The following TRPM6 variants were observed in gnomAD, a reference collection of about 807,000 sequenced individuals.
TRPM6 encodes the protein channel kinase 2.
Under a neutral mutation model 247.6 loss-of-function variants are expected in TRPM6, and 111 were observed. The observed-to-expected ratio is 0.45, with a 90% confidence interval of 0.38 to 0.52. The LOEUF is 0.52. Ranked by LOEUF, TRPM6 falls within the 20% of genes least tolerant of loss-of-function variation. The pLI, the probability that TRPM6 is intolerant of heterozygous loss-of-function variation, is 0.00. For synonymous variants in TRPM6, 892 were observed against 853.8 expected, an observed-to-expected ratio of 1.04 and a Z score of -0.78; for missense variants, 2,126 against 2,421.5, an observed-to-expected ratio of 0.88 and a Z score of 2.56.
intron 19 of TRPM6, among the ~76,000 whole-genome samples, chr9:74,789,723 G>A (rs924899286): frequency 6.6e-6 from 1 of 152,118 alleles, no homozygotes; most frequent in African/African-American, 2.4e-5. Flanking sequence ...CCTTTGGGAG[G>A]CCAAGGCGGG....
intron 1 of TRPM6, among the ~76,000 whole-genome samples, chr9:74,877,053 C>T (rs2118499786): frequency 6.6e-6 from 1 of 152,208 alleles, no homozygotes; most frequent in East Asian, 1.9e-4. Context: ...GCTAGGATGG[C>T]TATAATCAAA....
intron 18 of TRPM6, among the ~76,000 whole-genome samples, chr9:74,795,806 G>A (rs1564018345): frequency 6.6e-6 from 1 of 152,230 alleles, no homozygotes. Flanking sequence ...TATTCTGCCT[G>A]TAGAAATTTC....
At chr9:74,881,372 T>A (rs192547011) in intron 1 of TRPM6, among the ~76,000 whole-genome samples, 1 of 151,686 alleles carries the variant, frequency 6.6e-6, no homozygotes, top group Non-Finnish European at 1.5e-5. Context: ...TATAAGGCAA[T>A]CAATTCAGCA....
chr9:74,812,167 T>A, intron 12 of TRPM6, 132 bp downstream of exon 12: 1 of 1,180,322 alleles, frequency 8.5e-7, no homozygotes, highest in Admixed American at 1.9e-5. Flanking sequence ...TAGATCCAGC[T>A]TCAGATAATA....
intron 8 of TRPM6, among the ~76,000 whole-genome samples, 197 bp from the exon 9 acceptor site, chr9:74,820,624 G>A (rs1189386198): frequency 4.6e-5 from 7 of 152,154 alleles, no homozygotes; most frequent in East Asian, 3.8e-4. Context: ...GAATGGAGCC[G>A]GGCATGATGG....
chr9:74,812,153 G>T, intron 12 of TRPM6, 146 bp downstream of exon 12: 2 of 1,015,886 alleles, frequency 2.0e-6, no homozygotes, highest in Non-Finnish European at 3.0e-6. Context: ...AAGAAGCCTG[G>T]AACTAGATCC....
intron 25 of TRPM6, among the ~76,000 whole-genome samples, chr9:74,768,233 G>A (rs1187310418): frequency 6.6e-6 from 1 of 152,094 alleles, no homozygotes; most frequent in Non-Finnish European, 1.5e-5. Flanking sequence ...TTCTCCATGA[G>A]TTTCTCTTTG....
chr9:74,789,064 G>A lies in TRPM6; in HGVS notation c.2539-322C>T, dbSNP rs569059313. On this transcript the variant is annotated intron_variant, in intron 19 of 38. Transcript: ENST00000360774. ...AGGGGCACTGGCAAGCTAACAGCAA[G>A]CCCAGGAGGAATCACAGGTCTTCCC... is the stretch of plus-strand genomic sequence containing the variant. Among the ~76,000 whole-genome samples the A allele has an allele frequency of 8.5e-5, 13 of 152,292 alleles. No individual in the cohort carries two copies. In the South Asian group the frequency reaches 2.1e-3, roughly 24 times the overall value.
At chr9:74,862,188 G>A (rs140111822) in intron 1 of TRPM6, among the ~76,000 whole-genome samples, 1 of 149,812 alleles carries the variant, frequency 6.7e-6, no homozygotes, top group Non-Finnish European at 1.5e-5. Flanking sequence ...TGCCAACCTC[G>A]TAATAGTTCC....
chr9:74,739,521 G>C, intron 34 of TRPM6, 72 bp from the exon 35 acceptor site: 1 of 1,543,332 alleles, frequency 6.5e-7, no homozygotes, highest in Non-Finnish European at 9.0e-7. Flanking sequence ...ATTACTATAG[G>C]CTACCCCAAT....
chr9:74,774,186 T>G (rs1193240438), intron 24 of TRPM6, among the ~76,000 whole-genome samples: 1 of 152,238 alleles, frequency 6.6e-6, no homozygotes, highest in Non-Finnish European at 1.5e-5. Context: ...GAATTCATTT[T>G]AAACTTTACT....
intron 11 of TRPM6, among the ~76,000 whole-genome samples, chr9:74,815,068 G>A (rs1281566506): frequency 6.6e-6 from 1 of 152,150 alleles, no homozygotes; most frequent in East Asian, 1.9e-4. Flanking sequence ...TAGAGGAGCA[G>A]TCCATAAGGT....
chr9:74,742,505 T>C, intron 33 of TRPM6, 56 bp downstream of exon 33: 1 of 1,536,944 alleles, frequency 6.5e-7, no homozygotes, highest in Admixed American at 1.7e-5. Flanking sequence ...TTTGATTCAC[T>C]CAGATTTTAT....
At chr9:74,746,142 G>A (rs1014992949) in intron 31 of TRPM6, among the ~76,000 whole-genome samples, 6 of 151,980 alleles carry the variant, frequency 3.9e-5, no homozygotes, top group African/African-American at 1.4e-4. Context: ...GGGAGGCTGA[G>A]GCAGGAGAAT....
At chr9:74,794,754 G>C (rs903324226) in intron 18 of TRPM6, among the ~76,000 whole-genome samples, 1 of 152,046 alleles carries the variant, frequency 6.6e-6, no homozygotes, top group Non-Finnish European at 1.5e-5. Flanking sequence ...CAATTGCTAT[G>C]ATGAAGACAA....
At chr9:74,800,067 G>C (rs940651555) in intron 17 of TRPM6, 187 bp downstream of exon 17, 3 of 634,400 alleles carry the variant, frequency 4.7e-6, no homozygotes, top group African/African-American at 3.7e-5. Flanking sequence ...ATCCCCGATA[G>C]AGGAAGACCA....
intron 3 of TRPM6, among the ~76,000 whole-genome samples, chr9:74,853,021 G>GC (rs1286235613): frequency 6.6e-6 from 1 of 151,814 alleles, no homozygotes; most frequent in East Asian, 1.9e-4. Flanking sequence ...TCTCTGCCCG[G>GC]CCCCCCGTCG....
rs1254093719 is a variant in TRPM6, at chr9:74,858,671, G to A, written c.111C>T (p.His37=). Residue 37 remains histidine, a splice_region_variant and synonymous_variant, in exon 2 of 39, where the codon CAC becomes CAT. Coordinates refer to ENST00000360774, the MANE Select transcript of TRPM6 (RefSeq NM_017662.5). ...STIIPSSKNP[H]RCTPVCQVCQ... Reference sequence around the variant, plus strand: ...AAGAAGGTAATTGAAAATTTTACCTGTGAGGATTTTTTGAGCTGGGTATGA... The same window carrying A: ...AAGAAGGTAATTGAAAATTTTACCTATGAGGATTTTTTGAGCTGGGTATGA... 2 of 1,610,894 alleles carry A rather than the reference G, an allele frequency of 1.2e-6. No homozygotes were observed. Among genetic ancestry groups the A allele is most frequent in the Admixed American group, 1.7e-5 (1 of 59,920 alleles).
chr9:74,730,571 C>T (rs901215772), intron 37 of TRPM6, among the ~76,000 whole-genome samples: 18 of 152,276 alleles, frequency 1.2e-4, no homozygotes, highest in East Asian at 5.8e-4. Flanking sequence ...TAAATCAGTG[C>T]TTCCCAAACT....
Sources: gnomAD v4.1 joint callset for allele counts (sites outside exome capture counted in the v4.1 genomes callset) on GRCh38, gnomAD v4.1.1 for gene constraint, MANE v1.5 for transcripts, NCBI Gene and HGNC (gene_info 2026-07-23, HGNC 2026-07-21) for gene names.